The following ASPRV1 variants were observed in gnomAD, a reference collection of about 807,000 sequenced individuals.
ASPRV1 encodes retroviral-like aspartic protease 1.
In ASPRV1, 7 loss-of-function variants were observed where a neutral mutation model predicts 11.0. That is an observed-to-expected ratio of 0.64 (90% CI 0.36 to 1.20). The LOEUF is 1.20. Ranked by LOEUF, ASPRV1 falls within the 50% of genes most tolerant of loss-of-function variation. The pLI is 0.02. For missense variants in ASPRV1, 299 were observed against 320.0 expected (o/e 0.93, Z 0.50); for synonymous variants, 136 against 138.4 (o/e 0.98, Z 0.12).
At chr2:70,077,216 CATT>C in the ASPRV1 span, 4 of 152,146 alleles carry the variant, frequency 2.6e-5, no homozygotes, top group Admixed American at 2.0e-4. Context: ...TTGTTATCAT[CATT>C]ATCAATCCCT....
upstream of ASPRV1, among the ~76,000 whole-genome samples, chr2:69,965,925 G>C (rs1037246743): frequency 1.3e-5 from 2 of 152,238 alleles, no homozygotes; most frequent in African/African-American, 4.8e-5. Flanking sequence ...GCTTGCCACT[G>C]TTCCAGAACC....
chr2:69,941,622 T>C, the ASPRV1 span: 4 of 152,200 alleles, frequency 2.6e-5, no homozygotes, highest in Non-Finnish European at 2.9e-5. Context: ...CCTCTACTTT[T>C]TCAAAAGCAA....
At chr2:69,982,877 T>C in the ASPRV1 span, among the ~76,000 whole-genome samples, 1 of 152,224 alleles carries the variant, frequency 6.6e-6, no homozygotes. Flanking sequence ...GGCTGGCAGA[T>C]GGGCCCCTCC....
downstream of ASPRV1, among the ~76,000 whole-genome samples, chr2:69,957,405 G>A (rs979615934): frequency 5.9e-5 from 9 of 151,632 alleles, no homozygotes; most frequent in Admixed American, 5.9e-4. Flanking sequence ...CAACTTTCCT[G>A]TTAGTCTCAA....
the ASPRV1 span, among the ~76,000 whole-genome samples, chr2:69,932,780 TCA>T: frequency 2.0e-5 from 3 of 152,190 alleles, no homozygotes; most frequent in Non-Finnish European, 4.4e-5. Flanking sequence ...CTAAAAAAAT[TCA>T]CACACTCATA....
the ASPRV1 span, among the ~76,000 whole-genome samples, chr2:69,947,032 C>T: frequency 1.3e-5 from 2 of 152,244 alleles, no homozygotes; most frequent in South Asian, 2.1e-4. Flanking sequence ...CGCATTCACA[C>T]GTACCTTTGC....
the ASPRV1 span, chr2:70,012,316 G>C: frequency 6.6e-6 from 1 of 151,952 alleles, no homozygotes; most frequent in African/African-American, 2.4e-5. Flanking sequence ...CACCACGCCC[G>C]GCTAATTTTT....
chr2:69,961,790 G>T, upstream of ASPRV1: 1 of 1,304,382 alleles, frequency 7.7e-7, no homozygotes, highest in Non-Finnish European at 1.1e-6. Context: ...TCCATCCTTG[G>T]ACCAACACCA....
chr2:69,950,682 AAC>A, the ASPRV1 span, among the ~76,000 whole-genome samples: 2 of 151,962 alleles, frequency 1.3e-5, no homozygotes, highest in African/African-American at 4.8e-5. Flanking sequence ...GCCTCTACTA[AAC>A]ACACAAAAAT....
At chr2:69,988,800 C>A in the ASPRV1 span, 1 of 456,682 alleles carries the variant, frequency 2.2e-6, no homozygotes, top group South Asian at 1.5e-5. Flanking sequence ...AACTCTGCCA[C>A]CTCAAAGCAG....
downstream of ASPRV1, among the ~76,000 whole-genome samples, chr2:69,956,479 A>AAGAAGAAGAAGAAGAAGAAG (rs1558579534): frequency 4.2e-4 from 56 of 132,022 alleles, 4 homozygotes; most frequent in African/African-American, 1.6e-3. Context: ...AGAAGAAGAA[A>AAGAAGAAGAAGAAGAAGAAG]AGAGGAAGAA....
chr2:70,003,330 G>A, the ASPRV1 span: 1 of 152,282 alleles, frequency 6.6e-6, no homozygotes. Flanking sequence ...AAAATGGGAT[G>A]ATCATAGAGG....
rs1306088229 is a variant in ASPRV1 at position 69,961,476 on chromosome 2, CAAG to C, written c.-43_-41del. ...CTGGAACCTCAGCAGCAACCCACGC[CAAG>C]AAGAGAAACCCACAGAGCAGTGTCG... is the stretch of plus-strand genomic sequence containing the variant. On this transcript the variant is annotated 5_prime_UTR_variant, in exon 1 of 1. Coordinates refer to ENST00000320256, the MANE Select transcript of ASPRV1 (RefSeq NM_152792.4). The C allele has an allele frequency of 6.2e-7, 1 of 1,614,094 alleles. No homozygotes were observed. Among genetic ancestry groups the C allele is most frequent in the East Asian group, 2.2e-5 (1 of 44,870 alleles).
the ASPRV1 span, among the ~76,000 whole-genome samples, chr2:70,064,837 T>G: frequency 2.6e-5 from 4 of 152,192 alleles, no homozygotes; most frequent in African/African-American, 9.7e-5. Context: ...CTCACACCTG[T>G]AATCCCAGCA....
At chr2:69,999,848 C>T in the ASPRV1 span, among the ~76,000 whole-genome samples, 3 of 151,720 alleles carry the variant, frequency 2.0e-5, no homozygotes, top group Admixed American at 6.6e-5. Context: ...ACACCCTGCC[C>T]TCCTCCGGGT....
chr2:69,960,320 A>C lies in ASPRV1; in HGVS notation c.*337T>G. 6 of 264,326 alleles carry C rather than the reference A, an allele frequency of 2.3e-5. No homozygotes were observed. Among genetic ancestry groups the C allele is most frequent in the Non-Finnish European group, 2.9e-5 (4 of 136,250 alleles). The allele number at this position is 264,326 out of a possible 1,614,324, so 16.4% of individuals were successfully genotyped here. On this transcript the variant is annotated 3_prime_UTR_variant, in exon 1 of 1. Transcript: ENST00000320256. ...GAGTGACCAAGCCATACCTCAGGGA[A>C]TCTGAAGGGGTCCCACAGTTCTTTC...
the ASPRV1 span, among the ~76,000 whole-genome samples, chr2:70,006,341 G>C: frequency 1.3e-5 from 2 of 152,142 alleles, no homozygotes; most frequent in Non-Finnish European, 2.9e-5. Flanking sequence ...CCACAGTGGG[G>C]CCCCCTACGG....
chr2:69,980,971 T>TAGAGC, the ASPRV1 span, among the ~76,000 whole-genome samples: 1 of 152,150 alleles, frequency 6.6e-6, no homozygotes, highest in Non-Finnish European at 1.5e-5. Context: ...AGATGGGGTT[T>TAGAGC]CTCCATTTTG....
chr2:69,960,978 CT>C lies in ASPRV1; in HGVS notation c.458del (p.Gln153ArgfsTer7). On this transcript the variant is annotated frameshift_variant, in exon 1 of 1. Transcript: ENST00000320256. LOFTEE classifies it high-confidence loss of function. ...EVTDGDLDTL[Q>X]PFENVVKVAN... Reference sequence around the variant, plus strand: ...CCACCTTTACCACATTCTCAAAGGGCTGCAGGGTGTCCAGATCGCCATCAGT... The same window carrying C: ...CCACCTTTACCACATTCTCAAAGGGCGCAGGGTGTCCAGATCGCCATCAGT... 1 of 1,614,140 alleles carries C rather than the reference CT, an allele frequency of 6.2e-7. No individual in the cohort carries two copies. Among genetic ancestry groups the C allele is most frequent in the Non-Finnish European group, 8.5e-7 (1 of 1,180,028 alleles).
Sources: gnomAD v4.1 joint callset for allele counts (sites outside exome capture counted in the v4.1 genomes callset) on GRCh38, gnomAD v4.1.1 for gene constraint, MANE v1.5 for transcripts, NCBI Gene and HGNC (gene_info 2026-07-23, HGNC 2026-07-21) for gene names.